Variants in TMC1 observed in about 807,000 individuals in gnomAD.
TMC1 encodes transmembrane channel like 1, also known as transmembrane channel-like protein 1.
Under a neutral mutation model 105.8 loss-of-function variants are expected in TMC1, and 84 were observed. That is an observed-to-expected ratio of 0.79 (90% confidence interval 0.67 to 0.95). The LOEUF (loss-of-function observed/expected upper bound fraction) is 0.95. Among genes scored for constraint, TMC1 ranks in the 40% least tolerant of loss-of-function variants. TMC1 has a pLI of 0.00. For missense variants in TMC1, 817 were observed against 914.1 expected (o/e 0.89, Z 1.37); for synonymous variants, 315 against 311.5 (o/e 1.01, Z -0.12).
At chr9:72,691,015 A>C (rs1826458058) in intron 6 of TMC1, among the ~76,000 whole-genome samples, 1 of 151,596 alleles carries the variant, frequency 6.6e-6, no homozygotes, top group Non-Finnish European at 1.5e-5. Flanking sequence ...TATTCTTTTT[A>C]TGGTTTTGCT....
At chr9:72,656,704 T>A (rs944748256) in intron 5 of TMC1, among the ~76,000 whole-genome samples, 1 of 152,224 alleles carries the variant, frequency 6.6e-6, no homozygotes, top group African/African-American at 2.4e-5. Flanking sequence ...TGAACTTCAT[T>A]TACAATTGGA....
At chr9:72,701,807 A>G (rs1021300227) in intron 8 of TMC1, among the ~76,000 whole-genome samples, 2 of 152,146 alleles carry the variant, frequency 1.3e-5, no homozygotes, top group African/African-American at 4.8e-5. Flanking sequence ...CATTTATAGT[A>G]TTTTTGTTTT....
chr9:72,638,327 G>C (rs753140825), intron 4 of TMC1, among the ~76,000 whole-genome samples: 1 of 152,044 alleles, frequency 6.6e-6, no homozygotes, highest in Non-Finnish European at 1.5e-5. Context: ...CTAGAGGCCC[G>C]GGAGTCATTT....
At position 72,804,448 on chromosome 9, in the gene TMC1, T is replaced by TA. The variant is rs539771872; in HGVS notation, c.1567-933dup. Among the ~76,000 whole-genome samples, 176 of 152,350 alleles carry TA rather than the reference T, an allele frequency of 1.2e-3. 2 individuals are homozygous for TA. The highest frequency in any genetic ancestry group is 4.1e-3 in the African/African-American group (170 of 41,582). On this transcript the variant is annotated intron_variant, in intron 17 of 23. Transcript: ENST00000297784. ...ATGGTTTCTAATATATTCACATAGT[T>TA]ATGCATCCAGCATCACGATAGCATT...
At chr9:72,523,214 G>T in intron 1 of TMC1, among the ~76,000 whole-genome samples, 1 of 152,092 alleles carries the variant, frequency 6.6e-6, no homozygotes, top group East Asian at 1.9e-4. Context: ...GGGCTGAGTT[G>T]CAGTTAGCCT....
rs183177370 is a variant in TMC1 at position 72,633,074 on chromosome 9, G to C, written c.-53+5011G>C. On this transcript the variant is annotated intron_variant, in intron 4 of 23. Transcript: ENST00000297784. ...CTTCAAGGTGTATTTTGGTCACTGAGAGATGATTCAAAAGAAGACTTTGAA... is the reference window on the plus strand; with the variant it reads ...CTTCAAGGTGTATTTTGGTCACTGACAGATGATTCAAAAGAAGACTTTGAA... 6.8e-4 allele frequency among the ~76,000 whole-genome samples: 103 copies of C among 152,010 alleles called. No individual in the cohort carries two copies. In the Middle Eastern group the frequency reaches 0.01, roughly 15 times the overall value.
chr9:72,662,506 G>A (rs1450010746), intron 5 of TMC1, among the ~76,000 whole-genome samples: 1 of 151,982 alleles, frequency 6.6e-6, no homozygotes, highest in East Asian at 1.9e-4. Context: ...CTCTTTTTAA[G>A]TGTATCAATA....
intron 1 of TMC1, among the ~76,000 whole-genome samples, chr9:72,575,042 C>T (rs1013473984): frequency 3.2e-4 from 49 of 152,186 alleles, no homozygotes; most frequent in African/African-American, 1.1e-3. Flanking sequence ...TTTTGTCATG[C>T]TTTCCCTCCC....
intron 1 of TMC1, among the ~76,000 whole-genome samples, chr9:72,564,645 A>C (rs1160762434): frequency 1.3e-5 from 2 of 152,244 alleles, no homozygotes; most frequent in East Asian, 3.8e-4. Context: ...ACAAAACCAC[A>C]TGGACATTGA....
chr9:72,549,608 ATT>A (rs71357585), intron 1 of TMC1, among the ~76,000 whole-genome samples: 17,328 of 120,154 alleles, frequency 0.14, 999 homozygotes, highest in Middle Eastern at 0.18. Flanking sequence ...ACATCTGGCT[ATT>A]TTTTTTTTTT....
chr9:72,632,155 G>C (rs1034178951), intron 4 of TMC1, among the ~76,000 whole-genome samples: 1 of 152,066 alleles, frequency 6.6e-6, no homozygotes, highest in Non-Finnish European at 1.5e-5. Flanking sequence ...GAAGGTGAAG[G>C]GGGAGCTAGC....
chr9:72,807,075 AAC>A (rs1207917059), intron 18 of TMC1, among the ~76,000 whole-genome samples: 1 of 152,216 alleles, frequency 6.6e-6, no homozygotes, highest in African/African-American at 2.4e-5. Flanking sequence ...TGGCCTGGCC[AAC>A]ACAGCGAAAC....
At chr9:72,715,748 A>C (rs1403279508) in intron 8 of TMC1, among the ~76,000 whole-genome samples, 1 of 151,912 alleles carries the variant, frequency 6.6e-6, no homozygotes, top group Non-Finnish European at 1.5e-5. Flanking sequence ...CCACCTTCTA[A>C]AGCCTACTTC....
At chr9:72,673,439 G>A (rs1332622008) in intron 5 of TMC1, among the ~76,000 whole-genome samples, 2 of 152,090 alleles carry the variant, frequency 1.3e-5, no homozygotes, top group African/African-American at 4.8e-5. Flanking sequence ...AGATCAGTAA[G>A]ATTGATAAAC....
chr9:72,551,067 A>T (rs1475942309), intron 1 of TMC1, among the ~76,000 whole-genome samples: 10 of 152,130 alleles, frequency 6.6e-5, no homozygotes, highest in Non-Finnish European at 1.3e-4. Flanking sequence ...GGCTTTGAAG[A>T]TGGAGGAAGG....
At chr9:72,807,193 G>A (rs1230400136) in intron 18 of TMC1, among the ~76,000 whole-genome samples, 3 of 152,234 alleles carry the variant, frequency 2.0e-5, no homozygotes, top group African/African-American at 7.2e-5. Context: ...AGTGAGCCGA[G>A]ATGGCAGCAG....
intron 5 of TMC1, among the ~76,000 whole-genome samples, chr9:72,672,400 G>C (rs1181850995): frequency 6.6e-6 from 1 of 151,676 alleles, no homozygotes; most frequent in Non-Finnish European, 1.5e-5. Flanking sequence ...ATATTAAATG[G>C]TAAGAGAATA....
intron 4 of TMC1, among the ~76,000 whole-genome samples, chr9:72,639,542 A>G (rs1156947510): frequency 6.6e-6 from 1 of 152,222 alleles, no homozygotes; most frequent in African/African-American, 2.4e-5. Flanking sequence ...TTTTCTGTGC[A>G]GAAGTTGTAT....
At chr9:72,764,308 A>C (rs1827798537) in intron 12 of TMC1, among the ~76,000 whole-genome samples, 1 of 152,142 alleles carries the variant, frequency 6.6e-6, no homozygotes, top group Non-Finnish European at 1.5e-5. Context: ...ACAAAGCTTC[A>C]CTCTGAATAT....
Sources: gnomAD v4.1 joint callset for allele counts (sites outside exome capture counted in the v4.1 genomes callset) on GRCh38, gnomAD v4.1.1 for gene constraint, MANE v1.5 for transcripts, NCBI Gene and HGNC (gene_info 2026-07-23, HGNC 2026-07-21) for gene names.